The following FGF18 variants were observed in gnomAD, a reference collection of about 807,000 sequenced individuals.
FGF18 encodes the protein fibroblast growth factor 18.
Under a neutral mutation model 23.0 loss-of-function variants are expected in FGF18, and 5 were observed. The observed-to-expected ratio is 0.22, with a 90% CI of 0.11 to 0.46. The LOEUF is 0.46. Ranked by LOEUF, FGF18 falls within the 20% of genes least tolerant of loss-of-function variation. FGF18 has a pLI of 0.99. For synonymous variants in FGF18, 117 were observed against 118.9 expected (o/e 0.98, Z 0.10); for missense variants, 180 against 291.6 (o/e 0.62, Z 2.79).
rs76124313 is a variant in FGF18 at position 171,421,205 on chromosome 5, C to T, written c.69+762C>T. On this transcript the variant is annotated intron_variant, in intron 2 of 4. Transcript: ENST00000274625. The stretch of plus-strand genomic sequence containing the variant: ...GGTCTTGGCACGCAGACAGTTGGAA[C>T]GCTCTGGCTTCCAAAGCCGTAGAAA... 6.3e-3 allele frequency among the ~76,000 whole-genome samples: 962 copies of T among 152,046 alleles called. 7 individuals carry two copies. Among genetic ancestry groups the T allele is most frequent in the Non-Finnish European group, 0.011 (718 of 68,000 alleles).
At chr5:171,428,345 A>T (rs181983236) in intron 2 of FGF18, among the ~76,000 whole-genome samples, 1 of 152,334 alleles carries the variant, frequency 6.6e-6, no homozygotes, top group Admixed American at 6.5e-5. Context: ...CACCTATCCC[A>T]GCCATTGGAA....
intron 2 of FGF18, among the ~76,000 whole-genome samples, chr5:171,431,478 TGGG>T (rs1286815874): frequency 6.6e-6 from 1 of 151,896 alleles, no homozygotes; most frequent in East Asian, 1.9e-4. Flanking sequence ...TTGGAAGGCT[TGGG>T]GGAGGGATTT....
Position 171,451,100 on chromosome 5 carries a change from A to T in FGF18, c.357+1847A>T, listed in dbSNP as rs1772500456. 7.4e-6 allele frequency among the ~76,000 whole-genome samples: 1 copy of T among 135,166 alleles called. No individual in the cohort carries two copies. Among genetic ancestry groups the T allele is most frequent in the Non-Finnish European group, 1.6e-5 (1 of 64,246 alleles). 88.7% of individuals were successfully genotyped at this position (135,166 alleles called of 152,430 possible). A position where few individuals can be genotyped will look rare whatever the true frequency, so the allele number is the denominator to read the frequency against. ...CCTCCCGCCCGCGGGCGAGCCGCTG[A>T]GTCACCGCTTCCACAGGAGCCGGCT... On this transcript the variant is annotated intron_variant, in intron 4 of 4. Transcript: ENST00000274625. This position sits in a 1 kb window ranked among gnomAD's most constrained non-coding sequence, Gnocchi z 4.5.
At chr5:171,432,000 GATCGCGCC>G (rs1772188636) in intron 2 of FGF18, among the ~76,000 whole-genome samples, 1 of 152,158 alleles carries the variant, frequency 6.6e-6, no homozygotes, top group Non-Finnish European at 1.5e-5. Flanking sequence ...AGTGAGCCGA[GATCGCGCC>G]ACTGCACTCC....
At chr5:171,441,528 C>G (rs370262348) in intron 3 of FGF18, among the ~76,000 whole-genome samples, 3 of 152,308 alleles carry the variant, frequency 2.0e-5, no homozygotes, top group East Asian at 3.9e-4. Context: ...CCCCATGGCC[C>G]GCTCCCTCAC....
rs997016566 is a variant in FGF18 at position 171,451,969 on chromosome 5, G to T, written c.357+2716G>T. Among the ~76,000 whole-genome samples the T allele has an allele frequency of 4.6e-5, 7 of 152,192 alleles. No individual in the cohort carries two copies. Among genetic ancestry groups the T allele is most frequent in the Non-Finnish European group, 7.3e-5 (5 of 68,038 alleles). On this transcript the variant is annotated intron_variant, in intron 4 of 4. Coordinates refer to ENST00000274625, the MANE Select transcript of FGF18 (RefSeq NM_003862.3). The surrounding 1 kb of genome is among the most constrained non-coding windows in gnomAD (Gnocchi z 4.5). ...GTTGTCACTGTTTGTCTTTGTGCCT[G>T]CATCCTCTGTCACACTGGGAACTCC...
chr5:171,437,818 T>C (rs1376150579), intron 3 of FGF18, among the ~76,000 whole-genome samples: 1 of 152,074 alleles, frequency 6.6e-6, no homozygotes, highest in Non-Finnish European at 1.5e-5. Flanking sequence ...GAGCTCTCAT[T>C]GGCCCCTCCA....
intron 2 of FGF18, among the ~76,000 whole-genome samples, chr5:171,424,306 C>G (rs572432653): frequency 2.6e-5 from 4 of 152,334 alleles, no homozygotes; most frequent in Non-Finnish European, 5.9e-5. Flanking sequence ...TCCCGTTTAG[C>G]AGGGGAAGAA....
intron 2 of FGF18, among the ~76,000 whole-genome samples, chr5:171,422,622 CA>C (rs1772032393): frequency 6.6e-6 from 1 of 152,190 alleles, no homozygotes; most frequent in South Asian, 2.1e-4. Flanking sequence ...ATTCACACTA[CA>C]GGGGCAAAGG....
chr5:171,450,014 G>T (rs1772474821), intron 4 of FGF18, among the ~76,000 whole-genome samples: 1 of 151,982 alleles, frequency 6.6e-6, no homozygotes, highest in Admixed American at 6.6e-5. Flanking sequence ...CTCTATGGTA[G>T]GGTCAGGTTC....
At chr5:171,422,324 C>T (rs889150009) in intron 2 of FGF18, among the ~76,000 whole-genome samples, 2 of 152,274 alleles carry the variant, frequency 1.3e-5, no homozygotes, top group Middle Eastern at 3.4e-3. Context: ...AGGGATCCTC[C>T]TCTCCCCACC....
Position 171,451,272 on chromosome 5 carries a change from C to G in FGF18, c.357+2019C>G, listed in dbSNP as rs1772503895. ...CCGCCCAGGCCTCCACGCCCGACCC[C>G]AACCCTTGCCAGCCTCCTGTCTTCT... On this transcript the variant is annotated intron_variant, in intron 4 of 4. Transcript: ENST00000274625. The surrounding 1 kb of genome is among the most constrained non-coding windows in gnomAD (Gnocchi z 4.5). Among the ~76,000 whole-genome samples, 1 of 152,164 alleles carries G rather than the reference C, an allele frequency of 6.6e-6. No homozygotes were observed. Among genetic ancestry groups the G allele is most frequent in the African/African-American group, 2.4e-5 (1 of 41,452 alleles).
chr5:171,454,142 G>A (rs1477936166), intron 4 of FGF18, among the ~76,000 whole-genome samples: 1 of 152,124 alleles, frequency 6.6e-6, no homozygotes, highest in African/African-American at 2.4e-5. Context: ...AAGGCTTGAC[G>A]CTTGAATGGA....
intron 3 of FGF18, among the ~76,000 whole-genome samples, chr5:171,443,639 C>T (rs145358900): frequency 2.0e-5 from 3 of 151,416 alleles, no homozygotes; most frequent in South Asian, 2.1e-4. Context: ...CGTGAGCCAC[C>T]GCGCCTGGCC....
intron 2 of FGF18, among the ~76,000 whole-genome samples, chr5:171,425,218 A>G (rs1197835529): frequency 1.3e-5 from 2 of 152,362 alleles, no homozygotes; most frequent in African/African-American, 4.8e-5. Context: ...CACCAGGTAT[A>G]GTGCACTCAC....
intron 3 of FGF18, among the ~76,000 whole-genome samples, chr5:171,443,027 G>A (rs1326564726): frequency 2.0e-5 from 3 of 152,160 alleles, no homozygotes; most frequent in Non-Finnish European, 2.9e-5. Flanking sequence ...CAATTTAACT[G>A]CTCTATTAAC....
At chr5:171,444,664 C>G (rs1212494501) in intron 3 of FGF18, among the ~76,000 whole-genome samples, 2 of 152,036 alleles carry the variant, frequency 1.3e-5, no homozygotes, top group African/African-American at 4.8e-5. Flanking sequence ...CAGGAAGGCG[C>G]ACAGTGGTGA....
At position 171,448,317 on chromosome 5, in the gene FGF18, C is replaced by T. The variant is rs527530615; in HGVS notation, c.251-830C>T. Among the ~76,000 whole-genome samples, 4 of 152,102 alleles carry T rather than the reference C, an allele frequency of 2.6e-5. No homozygotes were observed. The East Asian group carries it at 7.7e-4, about 29-fold the overall frequency. On this transcript the variant is annotated intron_variant, in intron 3 of 4. Coordinates refer to ENST00000274625, the MANE Select transcript of FGF18 (RefSeq NM_003862.3). Reference sequence around the variant, plus strand: ...TTAGTTACCCTTCAGCTTTGGTGGCCTCCATGGACGGCAGTGGAATATCCT... The same window carrying T: ...TTAGTTACCCTTCAGCTTTGGTGGCTTCCATGGACGGCAGTGGAATATCCT...
chr5:171,450,303 G>C (rs1772479493), intron 4 of FGF18, among the ~76,000 whole-genome samples: 1 of 152,190 alleles, frequency 6.6e-6, no homozygotes, highest in Non-Finnish European at 1.5e-5. Context: ...CCAAGAGGCT[G>C]GGGAGGATGT....
Sources: allele counts gnomAD v4.1 joint callset (sites outside exome capture counted in the v4.1 genomes callset), GRCh38; gene constraint gnomAD v4.1.1; non-coding constraint Gnocchi (gnomAD v3.1); transcripts MANE v1.5; gene names NCBI Gene and HGNC (gene_info 2026-07-23, HGNC 2026-07-21).